The following SGSM3 variants were observed in gnomAD, a reference collection of about 807,000 sequenced individuals.
The protein encoded by SGSM3 is RUN and SH3 containing 3.
A neutral mutation model predicts 100.5 loss-of-function variants in SGSM3; 96 were observed. The observed-to-expected ratio is 0.96, with a 90% CI of 0.81 to 1.13. The LOEUF is 1.13. Ranked by LOEUF, SGSM3 falls within the 50% of genes most tolerant of loss-of-function variation. SGSM3 has a pLI of 0.00. For missense variants in SGSM3, 1,001 were observed against 1,015.8 expected (o/e 0.99, Z 0.20); for synonymous variants, 483 against 422.8 (o/e 1.14, Z -1.75).
chr22:40,372,115 C>A (rs960540413), intron 1 of SGSM3, among the ~76,000 whole-genome samples: 21 of 118,642 alleles, frequency 1.8e-4, no homozygotes, highest in Admixed American at 7.0e-4. Context: ...CTCCCTGTCC[C>A]CCCCCCCTTT....
chr22:40,405,603 G>A (rs1261539991), intron 7 of SGSM3, 46 bp from the exon 8 acceptor site: 3 of 1,562,530 alleles, frequency 1.9e-6, no homozygotes, highest in East Asian at 2.2e-5. Context: ...TTTCTAATCT[G>A]CACAAAGACC....
At chr22:40,389,366 GAGGC>G (rs2048991421) in intron 1 of SGSM3, among the ~76,000 whole-genome samples, 1 of 151,974 alleles carries the variant, frequency 6.6e-6, no homozygotes, top group South Asian at 2.1e-4. Flanking sequence ...TTGGGAGGCC[GAGGC>G]GGGCGGATCA....
chr22:40,382,317 A>G (rs774273115), intron 1 of SGSM3, among the ~76,000 whole-genome samples: 80 of 152,134 alleles, frequency 5.3e-4, no homozygotes, highest in Non-Finnish European at 9.6e-4. Context: ...TTTTATTACT[A>G]TCTCTTGCTG....
intron 1 of SGSM3, among the ~76,000 whole-genome samples, chr22:40,396,592 CAAAAAAAA>C (rs778373023): frequency 3.4e-4 from 15 of 44,460 alleles, no homozygotes; most frequent in Non-Finnish European, 5.9e-4. Context: ...GACTCTGTCT[CAAAAAAAA>C]AAAAAAAAAA....
intron 1 of SGSM3, among the ~76,000 whole-genome samples, chr22:40,372,293 AT>A (rs1283497486): frequency 6.6e-6 from 1 of 151,268 alleles, no homozygotes; most frequent in East Asian, 2.0e-4. Context: ...CACCCGGATA[AT>A]TTTTTGTATT....
intron 1 of SGSM3, among the ~76,000 whole-genome samples, chr22:40,385,156 C>A (rs146454036): frequency 6.6e-6 from 1 of 152,256 alleles, no homozygotes; most frequent in African/African-American, 2.4e-5. Context: ...GAAATGAAGC[C>A]ATAGGAACTG....
At chr22:40,406,695 A>G (rs1228455510) in intron 10 of SGSM3, 33 bp downstream of exon 10, 2 of 1,550,542 alleles carry the variant, frequency 1.3e-6, no homozygotes, top group Non-Finnish European at 1.8e-6. Context: ...ACCTTGACCC[A>G]CAGCACACGG....
At chr22:40,400,837 A>T in intron 2 of SGSM3, 24 bp downstream of exon 2, 1 of 1,528,232 alleles carries the variant, frequency 6.5e-7, no homozygotes, top group East Asian at 2.5e-5. Context: ...CTGGACTTGG[A>T]AACGGGGTTT....
chr22:40,410,092 T>TGTCG lies in SGSM3; in HGVS notation c.*336_*337insGGTC. 8.7e-7 allele frequency: 1 copy of TGTCG among 1,151,796 alleles called. No homozygotes were observed. The highest frequency in any genetic ancestry group is 3.0e-5 in the South Asian group (1 of 33,170). 71.3% of individuals were successfully genotyped at this position (1,151,796 alleles called of 1,614,324 possible). On this transcript the variant is annotated 3_prime_UTR_variant, in exon 22 of 22. Transcript: ENST00000248929. ...GCCTCTTTGGTTTATAAATAAACTG[T>TGTCG]GTCTGTCTTTGAGAAAGCACCTACC...
At position 40,395,652 on chromosome 22, in the gene SGSM3, C is replaced by T. The variant is rs1465916532; in HGVS notation, c.-111-5044C>T. Among the ~76,000 whole-genome samples, 5 of 152,038 alleles carry T rather than the reference C, an allele frequency of 3.3e-5. No homozygotes were observed. The South Asian group carries it at 1.0e-3, about 32-fold the overall frequency. On this transcript the variant is annotated intron_variant, in intron 1 of 21. Coordinates refer to ENST00000248929, the MANE Select transcript of SGSM3 (RefSeq NM_015705.6). Reference sequence around the variant, plus strand: ...CCCGTAACTCTTAACTTCTTAACTTCCCCCCTCCCCAAACCTGTTTTGTTC... The same window carrying T: ...CCCGTAACTCTTAACTTCTTAACTTTCCCCCTCCCCAAACCTGTTTTGTTC...
At position 40,401,653 on chromosome 22, in the gene SGSM3, A is replaced by G. The variant is rs1313546816; in HGVS notation, c.68A>G (p.Glu23Gly). The G allele has an allele frequency of 2.5e-6, 4 of 1,613,168 alleles. No homozygotes were observed. Among genetic ancestry groups the G allele is most frequent in the East Asian group, 2.2e-5 (1 of 44,828 alleles). The change falls in exon 3 of 22, where the codon GAG becomes GGG. Residue 23 changes from glutamate to glycine, a missense_variant. Transcript: ENST00000248929. ...CTGACTCCGAGCATATGGCCCCAGG[A>G]GATCTTGGCCAAGTACACGCAGGTA... ...SALTPSIWPQ[E>G]ILAKYTQKEE...
At position 40,410,002 on chromosome 22, in the gene SGSM3, A is replaced by C. The variant is rs971890315; in HGVS notation, c.*243A>C. The C allele has an allele frequency of 1.2e-5, 16 of 1,332,424 alleles. No homozygotes were observed. In the African/African-American group the frequency reaches 2.0e-4, roughly 16 times the overall value. 82.5% of individuals were successfully genotyped at this position (1,332,424 alleles called of 1,614,324 possible). On this transcript the variant is annotated 3_prime_UTR_variant, in exon 22 of 22. Transcript: ENST00000248929. ...AGTTTGTACCAAAAACCTTGTGAGG[A>C]GGTGGGGGAGCCATGTCTGTGCTCA...
At chr22:40,406,338 C>A in intron 9 of SGSM3, 100 bp from the exon 10 acceptor site, 2 of 1,514,220 alleles carry the variant, frequency 1.3e-6, no homozygotes, top group Admixed American at 2.0e-5. Context: ...ACAACTGTGC[C>A]AAGGCAAACG....
chr22:40,372,285 C>G (rs1339021108), intron 1 of SGSM3, among the ~76,000 whole-genome samples: 1 of 151,968 alleles, frequency 6.6e-6, no homozygotes, highest in East Asian at 1.9e-4. Flanking sequence ...CGCCACCACA[C>G]CCGGATAATT....
chr22:40,409,940 C>T lies in SGSM3; in HGVS notation c.*181C>T. ...TGGTGGGAGCAGAGGGTACCCTGCCCCACCAGGGTCCTTAGGGATGCTCTA... is the reference window on the plus strand; with the variant it reads ...TGGTGGGAGCAGAGGGTACCCTGCCTCACCAGGGTCCTTAGGGATGCTCTA... On this transcript the variant is annotated 3_prime_UTR_variant, in exon 22 of 22. Transcript: ENST00000248929. The T allele has an allele frequency of 7.1e-7, 1 of 1,399,458 alleles. No homozygotes were observed. Among genetic ancestry groups the T allele is most frequent in the Non-Finnish European group, 9.2e-7 (1 of 1,083,512 alleles). 86.7% of individuals were successfully genotyped at this position (1,399,458 alleles called of 1,614,324 possible).
chr22:40,379,749 C>T (rs1057220277), intron 1 of SGSM3, among the ~76,000 whole-genome samples: 4 of 152,120 alleles, frequency 2.6e-5, no homozygotes, highest in African/African-American at 9.7e-5. Flanking sequence ...CACTTTGTCA[C>T]CCAGGCTGGA....
rs537689032 is a variant in SGSM3 at position 40,407,682 on chromosome 22, G to A, written c.1525-107G>A. 4.4e-6 allele frequency: 7 copies of A among 1,584,760 alleles called. No individual in the cohort carries two copies. The highest frequency in any genetic ancestry group is 5.2e-6 in the Non-Finnish European group (6 of 1,156,618). ...TGCCAAGAGCTTCTCTTGTGAAGAT[G>A]TAGGGGTCTTGGCCTGGCCTAGTTG... On this transcript the variant is annotated intron_variant, in intron 13 of 21. Transcript: ENST00000248929. This position sits in a 1 kb window ranked among gnomAD's most constrained non-coding sequence, Gnocchi z 4.7.
Position 40,408,127 on chromosome 22 carries a change from GGGGT to G in SGSM3, c.1629+11_1629+14del. The G allele has an allele frequency of 3.7e-6, 6 of 1,610,740 alleles. No homozygotes were observed. Among genetic ancestry groups the G allele is most frequent in the East Asian group, 2.2e-5 (1 of 44,872 alleles). On this transcript the variant is annotated splice_region_variant and intron_variant, in intron 15 of 21. Coordinates refer to ENST00000248929, the MANE Select transcript of SGSM3 (RefSeq NM_015705.6). ...GGATGAGCGCAGCAAAGAGGTGAGG[GGGGT>G]GGGCGGGCTAGGCACGGCTGGCACC...
rs1186215316 is a variant in SGSM3 at position 40,410,140 on chromosome 22, G to A, written c.*381G>A. On this transcript the variant is annotated 3_prime_UTR_variant, in exon 22 of 22. Transcript: ENST00000248929. The stretch of plus-strand genomic sequence containing the variant: ...ACCTGTCTTCTGTGCAGCTAGGGCT[G>A]CAGAGCTGTATTCAGGTCCAAGGTT... 7 of 1,123,298 alleles carry A rather than the reference G, an allele frequency of 6.2e-6. No individual in the cohort carries two copies. The highest frequency in any genetic ancestry group is 1.0e-4 in the Admixed American group (2 of 20,096). The allele number at this position is 1,123,298 out of a possible 1,614,324, so 69.6% of individuals were successfully genotyped here. A position where few individuals can be genotyped will look rare whatever the true frequency, so the allele number is the denominator to read the frequency against.
Sources: gnomAD v4.1 joint callset for allele counts (sites outside exome capture counted in the v4.1 genomes callset) on GRCh38, gnomAD v4.1.1 for gene constraint, Gnocchi (gnomAD v3.1) non-coding constraint, MANE v1.5 for transcripts, NCBI Gene and HGNC (gene_info 2026-07-23, HGNC 2026-07-21) for gene names.